Variants in PLCH1 observed in about 807,000 individuals in gnomAD.
PLCH1 encodes 1-phosphatidylinositol 4,5-bisphosphate phosphodiesterase eta-1.
PLCH1 carries 60 observed loss-of-function variants against 126.7 expected under a neutral mutation model. The observed-to-expected ratio is 0.47, with a 90% CI of 0.38 to 0.59. The LOEUF (loss-of-function observed/expected upper bound fraction) is 0.59, where lower values mean the gene tolerates loss of function less well. Ranked by LOEUF, PLCH1 falls within the 20% of genes least tolerant of loss-of-function variation. The probability of loss-of-function intolerance (pLI) is 0.00; values close to 1 mark genes in which losing one functional copy is unlikely to be tolerated. For missense variants in PLCH1, 1,723 were observed against 2,040.0 expected (o/e 0.84, Z 2.99); for synonymous variants, 719 against 734.9 (o/e 0.98, Z 0.35).
At chr3:155,716,973 C>A (rs1747565613) in intron 1 of PLCH1, among the ~76,000 whole-genome samples, 1 of 152,208 alleles carries the variant, frequency 6.6e-6, no homozygotes, top group Non-Finnish European at 1.5e-5. Context: ...TCTCTACTTC[C>A]AAGTTACAGG....
chr3:155,596,741 C>A (rs1425984249), intron 2 of PLCH1, among the ~76,000 whole-genome samples: 1 of 151,996 alleles, frequency 6.6e-6, no homozygotes, highest in Admixed American at 6.6e-5. Context: ...TTTTATAGAA[C>A]CAATTATAAA....
intron 1 of PLCH1, among the ~76,000 whole-genome samples, chr3:155,720,860 A>C (rs575605580): frequency 6.6e-6 from 1 of 152,318 alleles, no homozygotes; most frequent in Admixed American, 6.5e-5. Flanking sequence ...TTCAGGTCTT[A>C]GATTTAAGTC....
chr3:155,462,997 G>A (rs1712785744), intron 21 of PLCH1, among the ~76,000 whole-genome samples: 1 of 152,218 alleles, frequency 6.6e-6, no homozygotes, highest in South Asian at 2.1e-4. Flanking sequence ...CTTCCCTACA[G>A]CGAACTTCTC....
At chr3:155,589,937 G>A (rs539214409) in intron 4 of PLCH1, among the ~76,000 whole-genome samples, 36 of 152,240 alleles carry the variant, frequency 2.4e-4, no homozygotes, top group African/African-American at 8.2e-4. Context: ...AGACTTGAAG[G>A]CAAAAGAACA....
chr3:155,714,670 G>A (rs1747379903), intron 1 of PLCH1, among the ~76,000 whole-genome samples: 1 of 152,166 alleles, frequency 6.6e-6, no homozygotes, highest in Non-Finnish European at 1.5e-5. Context: ...AAGCAATGAG[G>A]CGCAATCGAC....
intron 4 of PLCH1, among the ~76,000 whole-genome samples, chr3:155,586,667 C>T (rs1731418859): frequency 6.6e-6 from 1 of 151,976 alleles, no homozygotes; most frequent in South Asian, 2.1e-4. Flanking sequence ...AGATTGCTCT[C>T]CAGCCTGGGT....
intron 12 of PLCH1, among the ~76,000 whole-genome samples, chr3:155,513,787 G>GT (rs1371873551): frequency 6.6e-6 from 1 of 152,126 alleles, no homozygotes; most frequent in Non-Finnish European, 1.5e-5. Context: ...AGCTTCAGAG[G>GT]TAAGTTCTCA....
downstream of PLCH1, among the ~76,000 whole-genome samples, chr3:155,476,923 A>G (rs1030091247): frequency 6.6e-6 from 1 of 152,168 alleles, no homozygotes; most frequent in African/African-American, 2.4e-5. Context: ...ATGGAACCAC[A>G]AAAGACCCAG....
At chr3:155,724,838 T>TGTGC (rs1748204700) in intron 1 of PLCH1, among the ~76,000 whole-genome samples, 1 of 151,776 alleles carries the variant, frequency 6.6e-6, no homozygotes, top group South Asian at 2.1e-4. Context: ...TGTGTGTGTG[T>TGTGC]GTGTGTGTGT....
chr3:155,570,256 G>C (rs1729021851), intron 6 of PLCH1, among the ~76,000 whole-genome samples: 1 of 152,112 alleles, frequency 6.6e-6, no homozygotes. Context: ...CTTCATTTAA[G>C]TTATAAGTTT....
chr3:155,625,743 G>A lies in PLCH1; in HGVS notation c.80-29365C>T, dbSNP rs1378838828. ...ATCAGGAAACAACAGATGCTGGAGA[G>A]GATGTGGAGAAATAGGAATGCTTTT... On this transcript the variant is annotated intron_variant, in intron 2 of 22. Transcript: ENST00000460012. 5.3e-5 allele frequency among the ~76,000 whole-genome samples: 8 copies of A among 152,320 alleles called. No homozygotes were observed. The East Asian group carries it at 1.5e-3, about 29-fold the overall frequency.
chr3:155,497,644 G>A (rs1284290070), intron 14 of PLCH1, among the ~76,000 whole-genome samples: 1 of 152,142 alleles, frequency 6.6e-6, no homozygotes, highest in Non-Finnish European at 1.5e-5. Flanking sequence ...CCTTTCCAGA[G>A]TTTCATTTGC....
At chr3:155,563,524 T>A (rs1727909709) in intron 8 of PLCH1, among the ~76,000 whole-genome samples, 1 of 151,934 alleles carries the variant, frequency 6.6e-6, no homozygotes, top group Admixed American at 6.6e-5. Flanking sequence ...CATCTCTTTC[T>A]CACTTAGTCC....
At chr3:155,478,071 A>G (rs1428273256), downstream of PLCH1, among the ~76,000 whole-genome samples, 1 of 152,186 alleles carries the variant, frequency 6.6e-6, no homozygotes, top group Non-Finnish European at 1.5e-5. Context: ...CAGCCATAAA[A>G]AGAATGAGAT....
chr3:155,593,914 C>T (rs1732540424), intron 4 of PLCH1, 27 bp downstream of exon 4: 2 of 1,610,430 alleles, frequency 1.2e-6, no homozygotes, highest in Non-Finnish European at 1.7e-6. Flanking sequence ...CAAGAGAGAG[C>T]TGAAAATAAA....
chr3:155,512,005 T>A (rs898921403), intron 12 of PLCH1, among the ~76,000 whole-genome samples: 1 of 151,596 alleles, frequency 6.6e-6, no homozygotes, highest in Non-Finnish European at 1.5e-5. Flanking sequence ...ATCAGCGAGA[T>A]TCCGTGGGCG....
intron 4 of PLCH1, among the ~76,000 whole-genome samples, chr3:155,590,648 C>G (rs1231498822): frequency 6.9e-6 from 1 of 145,176 alleles, no homozygotes; most frequent in Non-Finnish European, 1.5e-5. Context: ...TACTCAGGAG[C>G]CTGAGGCAGG....
At chr3:155,506,296 C>T (rs1017440657) in intron 12 of PLCH1, among the ~76,000 whole-genome samples, 1 of 151,262 alleles carries the variant, frequency 6.6e-6, no homozygotes, top group Non-Finnish European at 1.5e-5. Context: ...CAAGTCCTCT[C>T]TCTGGCTTCC....
At chr3:155,656,658 G>T (rs1741413284) in intron 2 of PLCH1, among the ~76,000 whole-genome samples, 1 of 152,158 alleles carries the variant, frequency 6.6e-6, no homozygotes, top group Non-Finnish European at 1.5e-5. Flanking sequence ...GTGAGTATGT[G>T]TGTGCCTGTG....
Sources: gnomAD v4.1 joint callset for allele counts (sites outside exome capture counted in the v4.1 genomes callset) on GRCh38, gnomAD v4.1.1 for gene constraint, MANE v1.5 for transcripts, NCBI Gene and HGNC (gene_info 2026-07-23, HGNC 2026-07-21) for gene names.